Variants in MICAL2 observed in about 807,000 individuals in gnomAD.
MICAL2 encodes the protein [F-actin]-monooxygenase MICAL2.
In MICAL2, 77 loss-of-function variants were observed where a neutral mutation model predicts 127.3. The ratio of observed to expected loss-of-function variants is 0.60; its 90% CI spans 0.50 to 0.73. The LOEUF (loss-of-function observed/expected upper bound fraction) is 0.73, where lower values mean the gene tolerates loss of function less well. Among genes scored for constraint, MICAL2 ranks in the 30% least tolerant of loss-of-function variants. The pLI, the probability that MICAL2 is intolerant of heterozygous loss-of-function variation, is 0.00. For synonymous variants in MICAL2, 570 were observed against 551.1 expected (o/e 1.03, Z -0.48); for missense variants, 1,351 against 1,434.4 (o/e 0.94, Z 0.94).
At chr11:12,167,743 T>A (rs1190742937) in intron 3 of MICAL2, among the ~76,000 whole-genome samples, 2 of 152,148 alleles carry the variant, frequency 1.3e-5, no homozygotes, top group Admixed American at 1.3e-4. Context: ...CCCTGCAACA[T>A]TGAACATGTT....
At chr11:12,329,069 A>G (rs1462583886) in intron 32 of MICAL2, among the ~76,000 whole-genome samples, 2 of 152,172 alleles carry the variant, frequency 1.3e-5, no homozygotes, top group Admixed American at 6.5e-5. Context: ...TGTTACTTGT[A>G]TTTGTGGTGA....
At chr11:12,276,251 G>T (rs918566215) in intron 1 of MICAL2, 1 of 398,390 alleles carries the variant, frequency 2.5e-6, no homozygotes, top group South Asian at 1.3e-4. Context: ...CTCTCTACTT[G>T]CTTGCAGTGT....
At chr11:12,236,855 A>G (rs545837720) in intron 16 of MICAL2, among the ~76,000 whole-genome samples, 2 of 152,320 alleles carry the variant, frequency 1.3e-5, no homozygotes, top group Admixed American at 6.5e-5. Context: ...ACGTCATTCA[A>G]AAAAAGCCAT....
intron 6 of MICAL2, among the ~76,000 whole-genome samples, chr11:12,211,835 G>A (rs1269864367): frequency 4.6e-5 from 7 of 152,188 alleles, no homozygotes; most frequent in Non-Finnish European, 8.8e-5. Flanking sequence ...CTGCAGAAAC[G>A]GTCCAATGGC....
At chr11:12,181,921 T>C (rs1286975546) in intron 3 of MICAL2, among the ~76,000 whole-genome samples, 1 of 152,212 alleles carries the variant, frequency 6.6e-6, no homozygotes, top group Non-Finnish European at 1.5e-5. Flanking sequence ...AAACGTAATA[T>C]ATTCCCCAAT....
intron 3 of MICAL2, among the ~76,000 whole-genome samples, chr11:12,170,913 G>T (rs1856167355): frequency 1.3e-5 from 2 of 152,262 alleles, no homozygotes. Flanking sequence ...CTTGGCACAG[G>T]GAAGATGCAC....
chr11:12,280,507 T>C (rs932891611), intron 1 of MICAL2, among the ~76,000 whole-genome samples: 1 of 152,168 alleles, frequency 6.6e-6, no homozygotes, highest in African/African-American at 2.4e-5. Context: ...TGGTTCCTAC[T>C]GGGGGATTGG....
rs574900764 is a variant in MICAL2, at chr11:12,340,911, G to A, written c.5516-8927G>A. Among the ~76,000 whole-genome samples the A allele has an allele frequency of 2.0e-5, 3 of 152,224 alleles. No individual in the cohort carries two copies. In the South Asian group the frequency reaches 6.2e-4, roughly 32 times the overall value. ...GAAAGATTAGAATTTTTATTTTTCA[G>A]CTGCATGCTCTGACTCCCAGAACAG... On this transcript the variant is annotated intron_variant, in intron 32 of 34. Coordinates refer to the MICAL2 transcript ENST00000646065.
chr11:12,142,763 G>C (rs1053638050), intron 2 of MICAL2, among the ~76,000 whole-genome samples: 4 of 152,228 alleles, frequency 2.6e-5, no homozygotes, highest in African/African-American at 9.6e-5. Context: ...TTGTACTGAG[G>C]AGAAAATTGA....
intron 1 of MICAL2, among the ~76,000 whole-genome samples, chr11:12,120,567 A>C (rs1850422259): frequency 6.6e-6 from 1 of 152,256 alleles, no homozygotes; most frequent in South Asian, 2.1e-4. Flanking sequence ...GTAGGGGGGA[A>C]CCAGGGGAGG....
intron 3 of MICAL2, among the ~76,000 whole-genome samples, chr11:12,194,827 C>T (rs1859676059): frequency 6.6e-6 from 1 of 152,170 alleles, no homozygotes; most frequent in African/African-American, 2.4e-5. Flanking sequence ...TGACCATTCA[C>T]AGGGAGAAAA....
intron 29 of MICAL2, among the ~76,000 whole-genome samples, chr11:12,299,028 A>G (rs1452613833): frequency 6.6e-6 from 1 of 152,226 alleles, no homozygotes; most frequent in Non-Finnish European, 1.5e-5. Flanking sequence ...TAGGGTAAAT[A>G]TATTTTCCTG....
chr11:12,320,967 C>T (rs1864287837), intron 30 of MICAL2, among the ~76,000 whole-genome samples: 1 of 151,308 alleles, frequency 6.6e-6, no homozygotes, highest in South Asian at 2.1e-4. Flanking sequence ...CTGTGGTTTT[C>T]TTACTGCCCC....
intron 1 of MICAL2, chr11:12,276,462 CA>C (rs1351616673): frequency 2.6e-5 from 6 of 231,726 alleles, no homozygotes. Flanking sequence ...TCTCAGGAGG[CA>C]GTGTCATGCT....
At chr11:12,357,593 C>T (rs1939147712) in intron 34 of MICAL2, among the ~76,000 whole-genome samples, 1 of 152,134 alleles carries the variant, frequency 6.6e-6, no homozygotes, top group Admixed American at 6.5e-5. Flanking sequence ...AATCCCAGCA[C>T]TTTGGGAGGC....
intron 1 of MICAL2, among the ~76,000 whole-genome samples, chr11:12,136,345 G>A (rs921263838): frequency 1.3e-5 from 2 of 152,186 alleles, no homozygotes; most frequent in African/African-American, 4.8e-5. Context: ...GAGACTTTGG[G>A]TGAAGCACTT....
chr11:12,171,347 C>T (rs901695753), intron 3 of MICAL2, among the ~76,000 whole-genome samples: 1 of 152,172 alleles, frequency 6.6e-6, no homozygotes, highest in Non-Finnish European at 1.5e-5. Flanking sequence ...AGAAAGGAAA[C>T]CATGAAGCAG....
intron 32 of MICAL2, among the ~76,000 whole-genome samples, chr11:12,338,191 C>T (rs1263861935): frequency 1.3e-5 from 2 of 152,076 alleles, no homozygotes; most frequent in East Asian, 3.9e-4. Context: ...TTGAATTGAT[C>T]CCTTTACCAT....
intron 2 of MICAL2, among the ~76,000 whole-genome samples, chr11:12,148,720 C>T (rs947426558): frequency 2.6e-5 from 4 of 152,198 alleles, no homozygotes; most frequent in African/African-American, 9.7e-5. Flanking sequence ...TCAGAACGCA[C>T]AGTCAGGTGA....
Sources: gnomAD v4.1 joint callset for allele counts (sites outside exome capture counted in the v4.1 genomes callset) on GRCh38, gnomAD v4.1.1 for gene constraint, MANE v1.5 for transcripts, NCBI Gene and HGNC (gene_info 2026-07-23, HGNC 2026-07-21) for gene names.